SORCS2: variants seen among roughly 807,000 people sequenced by gnomAD.
SORCS2 encodes sortilin related VPS10 domain containing receptor 2, also known as VPS10 domain-containing receptor SorCS2.
SORCS2 carries 100 observed loss-of-function variants against 141.6 expected under a neutral mutation model. The ratio of observed to expected loss-of-function variants is 0.71; its 90% CI spans 0.60 to 0.83. The LOEUF is 0.83. Ranked by LOEUF, SORCS2 falls within the 40% of genes least tolerant of loss-of-function variation. The pLI, the probability that SORCS2 is intolerant of heterozygous loss-of-function variation, is 0.00. For missense variants in SORCS2, 1,646 were observed against 1,560.2 expected (o/e 1.05, Z -0.93); for synonymous variants, 789 against 676.9 (o/e 1.17, Z -2.57).
chr4:7,658,967 C>G (rs954327106), intron 5 of SORCS2, among the ~76,000 whole-genome samples: 1 of 152,200 alleles, frequency 6.6e-6, no homozygotes, highest in Admixed American at 6.5e-5. Context: ...GTGACTTCCT[C>G]ATCTTGAGGC....
At chr4:7,311,122 G>A (rs1477753888) in intron 1 of SORCS2, among the ~76,000 whole-genome samples, 1 of 151,760 alleles carries the variant, frequency 6.6e-6, no homozygotes, top group African/African-American at 2.4e-5. Flanking sequence ...GACACCCACT[G>A]TCTCCTTCCC....
chr4:7,634,408 G>T (rs1720104252), intron 3 of SORCS2, among the ~76,000 whole-genome samples: 1 of 151,112 alleles, frequency 6.6e-6, no homozygotes. Context: ...GGAGGAGGAT[G>T]ATGAGGGTGT....
intron 2 of SORCS2, among the ~76,000 whole-genome samples, chr4:7,402,166 C>G (rs1724635258): frequency 6.6e-6 from 1 of 152,158 alleles, no homozygotes; most frequent in Non-Finnish European, 1.5e-5. Context: ...TGTAATCTAG[C>G]TGTCATCAAT....
At position 7,391,556 on chromosome 4, in the gene SORCS2, A is replaced by T. The variant is rs376339426; in HGVS notation, c.481-4732A>T. 7.0e-4 allele frequency among the ~76,000 whole-genome samples: 107 copies of T among 152,156 alleles called. 1 individual carries two copies. The highest frequency in any genetic ancestry group is 2.3e-3 in the African/African-American group (96 of 41,498). ...ATGGCCGGCCTAGGGTCTCTCCAGG[A>T]ACTGAGTGTGGACTTCAGGGTTCTT... On this transcript the variant is annotated intron_variant, in intron 1 of 26. Transcript: ENST00000507866.
intron 1 of SORCS2, among the ~76,000 whole-genome samples, chr4:7,305,840 A>G (rs1026251593): frequency 7.2e-5 from 11 of 152,072 alleles, no homozygotes; most frequent in African/African-American, 2.2e-4. Flanking sequence ...CCCCTCCCCG[A>G]TCATCCCCCC....
chr4:7,693,083 T>C (rs1226553745), intron 11 of SORCS2, among the ~76,000 whole-genome samples: 1 of 152,190 alleles, frequency 6.6e-6, no homozygotes, highest in Non-Finnish European at 1.5e-5. Context: ...TGGCGGGTTC[T>C]TCCCGACTGG....
intron 1 of SORCS2, among the ~76,000 whole-genome samples, chr4:7,313,307 G>A (rs888938220): frequency 6.6e-6 from 1 of 152,252 alleles, no homozygotes; most frequent in Non-Finnish European, 1.5e-5. Flanking sequence ...AAATCATGGA[G>A]TGCCTCCTGA....
intron 1 of SORCS2, among the ~76,000 whole-genome samples, chr4:7,326,153 C>T (rs1286023209): frequency 6.6e-6 from 1 of 152,076 alleles, no homozygotes; most frequent in Admixed American, 6.5e-5. Context: ...GGGGTTTGAC[C>T]ACATCACAAG....
intron 1 of SORCS2, among the ~76,000 whole-genome samples, chr4:7,292,972 C>A (rs1037151830): frequency 2.6e-5 from 4 of 152,166 alleles, no homozygotes; most frequent in Non-Finnish European, 5.9e-5. Context: ...TGCTGATTTC[C>A]TTTTCTCTTT....
At chr4:7,491,479 G>C (rs1349074012) in intron 2 of SORCS2, among the ~76,000 whole-genome samples, 1 of 152,206 alleles carries the variant, frequency 6.6e-6, no homozygotes, top group African/African-American at 2.4e-5. Flanking sequence ...CAGATGCCCA[G>C]GCACCAGCAC....
At chr4:7,442,864 G>A (rs1253728049) in intron 2 of SORCS2, among the ~76,000 whole-genome samples, 1 of 151,948 alleles carries the variant, frequency 6.6e-6, no homozygotes, top group African/African-American at 2.4e-5. Context: ...TTGCAGTTCT[G>A]GGGGTCTGAC....
intron 2 of SORCS2, among the ~76,000 whole-genome samples, chr4:7,519,885 C>T (rs1436903872): frequency 6.6e-6 from 1 of 152,258 alleles, no homozygotes; most frequent in African/African-American, 2.4e-5. Flanking sequence ...CTCAGCCCCA[C>T]AGGATCCTGG....
At chr4:7,496,209 C>T (rs1056387065) in intron 2 of SORCS2, among the ~76,000 whole-genome samples, 2 of 152,136 alleles carry the variant, frequency 1.3e-5, no homozygotes, top group Non-Finnish European at 2.9e-5. Flanking sequence ...CTGTCTATCA[C>T]CCTCATCTCA....
rs58850583 is a variant in SORCS2 at position 7,589,065 on chromosome 4, G to T, written c.649-49263G>T. On this transcript the variant is annotated intron_variant, in intron 3 of 26. Transcript: ENST00000507866. Reference sequence around the variant, plus strand: ...TACTGGGGACACAGTGAGCTGCCGGGTGACCCTGGTGCACAGGAGGTGTGG... The same window carrying T: ...TACTGGGGACACAGTGAGCTGCCGGTTGACCCTGGTGCACAGGAGGTGTGG... Among the ~76,000 whole-genome samples the T allele has an allele frequency of 1.7e-4, 26 of 152,300 alleles. No individual in the cohort carries two copies. The East Asian group carries it at 5.0e-3, about 30-fold the overall frequency.
intron 2 of SORCS2, among the ~76,000 whole-genome samples, chr4:7,424,184 C>T (rs1726272316): frequency 6.6e-6 from 1 of 152,154 alleles, no homozygotes; most frequent in African/African-American, 2.4e-5. Context: ...AGGCTTGGCC[C>T]AGCGAGGGGA....
At chr4:7,541,090 C>T (rs188879881) in intron 3 of SORCS2, among the ~76,000 whole-genome samples, 5 of 152,336 alleles carry the variant, frequency 3.3e-5, no homozygotes, top group Admixed American at 2.6e-4. Flanking sequence ...TCCTGAAAGC[C>T]AACCCATCCT....
chr4:7,345,971 G>T (rs192724895), intron 1 of SORCS2, among the ~76,000 whole-genome samples: 1 of 152,118 alleles, frequency 6.6e-6, no homozygotes, highest in Non-Finnish European at 1.5e-5. Context: ...TAGCCAAAAG[G>T]TCTACCATTT....
Position 7,683,136 on chromosome 4 carries a change from AAAC to A in SORCS2, c.1488+255_1488+257del, listed in dbSNP as rs376037181. On this transcript the variant is annotated intron_variant, in intron 10 of 26. Coordinates refer to ENST00000507866, the MANE Select transcript of SORCS2 (RefSeq NM_020777.3). The stretch of plus-strand genomic sequence containing the variant: ...GAATTGCTGTGCAATAAACCACCCA[AAAC>A]AACAACATTTACTCCCCAGATCTAC... 5.1e-4 allele frequency among the ~76,000 whole-genome samples: 77 copies of A among 152,308 alleles called. No homozygotes were observed. In the South Asian group the frequency reaches 0.015, roughly 30 times the overall value.
intron 3 of SORCS2, among the ~76,000 whole-genome samples, chr4:7,578,092 T>G (rs1160905643): frequency 7.9e-5 from 12 of 152,192 alleles, no homozygotes; most frequent in Non-Finnish European, 5.9e-5. Flanking sequence ...GGATCCCTCA[T>G]GAATAGATTA....
Sources: allele counts gnomAD v4.1 joint callset (sites outside exome capture counted in the v4.1 genomes callset), GRCh38; gene constraint gnomAD v4.1.1; transcripts MANE v1.5; gene names NCBI Gene and HGNC (gene_info 2026-07-23, HGNC 2026-07-21).